Variants in MAMDC2 observed in about 807,000 individuals in gnomAD.
The protein encoded by MAMDC2 is MAM domain-containing protein 2.
MAMDC2 carries 57 observed loss-of-function variants against 89.8 expected under a neutral mutation model. The ratio of observed to expected loss-of-function variants is 0.63; its 90% CI spans 0.51 to 0.79. The LOEUF is 0.79. Ranked by LOEUF, MAMDC2 falls within the 30% of genes least tolerant of loss-of-function variation. The pLI, the probability that MAMDC2 is intolerant of heterozygous loss-of-function variation, is 0.00. For missense variants in MAMDC2, 800 were observed against 820.6 expected (o/e 0.97, Z 0.31); for synonymous variants, 313 against 293.4 (o/e 1.07, Z -0.68).
rs745884884 is a variant in MAMDC2, at chr9:70,108,445, C to G, written c.383C>G (p.Ala128Gly). Residue 128 changes from alanine to glycine, a missense_variant, in exon 3 of 14, where the codon GCC becomes GGC. Physicochemically the swap from Ala to Gly is moderately conservative, Grantham distance 60. Coordinates refer to ENST00000377182, the MANE Select transcript of MAMDC2 (RefSeq NM_153267.5). ...GAACCTTCAGACAGCTGGCTCATAG[C>G]CAGCTTGGATTTGCAAAACAGTTCC... ...AKEPSDSWLI[A>G]SLDLQNSSKK... 1 of 1,607,808 alleles carries G rather than the reference C, an allele frequency of 6.2e-7. No homozygotes were observed. The highest frequency in any genetic ancestry group is 2.2e-5 in the East Asian group (1 of 44,782).
intron 2 of MAMDC2, among the ~76,000 whole-genome samples, chr9:70,060,087 CT>C (rs1400506691): frequency 6.6e-6 from 1 of 152,210 alleles, no homozygotes; most frequent in South Asian, 2.1e-4. Flanking sequence ...CATTGGCTCT[CT>C]GATATTTTTC....
At chr9:70,125,454 G>A (rs2030488958) in intron 5 of MAMDC2, among the ~76,000 whole-genome samples, 1 of 152,188 alleles carries the variant, frequency 6.6e-6, no homozygotes, top group Non-Finnish European at 1.5e-5. Flanking sequence ...AGTCAAGGCT[G>A]TCTCCATTCT....
intron 4 of MAMDC2, among the ~76,000 whole-genome samples, chr9:70,111,552 C>T (rs931127962): frequency 2.6e-5 from 4 of 152,112 alleles, no homozygotes; most frequent in African/African-American, 9.7e-5. Context: ...CAGAATGGAG[C>T]CTGGCATATT....
In MAMDC2 at chr9:70,189,736, G is replaced by A. The variant is rs576822205; in HGVS notation, c.1651+19105G>A. 3.3e-5 allele frequency among the ~76,000 whole-genome samples: 5 copies of A among 151,538 alleles called. No homozygotes were observed. The South Asian group carries it at 1.1e-3, about 32-fold the overall frequency. On this transcript the variant is annotated intron_variant, in intron 11 of 13. Transcript: ENST00000377182. ...TATGCATATGTTGGTACACTTGATG[G>A]TGTGTCTCACAGGTCTCTGAGTCTC...
At chr9:70,166,274 TATAC>T (rs2032169614) in intron 9 of MAMDC2, among the ~76,000 whole-genome samples, 1 of 49,600 alleles carries the variant, frequency 2.0e-5, no homozygotes, top group African/African-American at 5.0e-5. Flanking sequence ...TATATATATA[TATAC>T]ACACACACAC....
intron 1 of MAMDC2, 121 bp downstream of exon 1, chr9:70,044,352 T>C: frequency 8.7e-7 from 1 of 1,149,490 alleles, no homozygotes. Context: ...CTCCTGATCC[T>C]CCGCAGCCGC....
chr9:70,169,673 G>T (rs972083258), intron 10 of MAMDC2: 3 of 152,084 alleles, frequency 2.0e-5, no homozygotes. Flanking sequence ...GAAAAATTTG[G>T]CTAAGAATCT....
At chr9:70,172,335 T>TA (rs959783923) in intron 11 of MAMDC2, among the ~76,000 whole-genome samples, 2 of 152,230 alleles carry the variant, frequency 1.3e-5, no homozygotes, top group Non-Finnish European at 2.9e-5. Context: ...CATGACTTTT[T>TA]AATCAGGGAA....
At chr9:70,127,042 C>G (rs1240426082) in intron 6 of MAMDC2, among the ~76,000 whole-genome samples, 1 of 152,266 alleles carries the variant, frequency 6.6e-6, no homozygotes, top group South Asian at 2.1e-4. Context: ...CCTCAGCCAA[C>G]TTCACAAAGG....
At chr9:70,177,499 C>T (rs1320806216) in intron 11 of MAMDC2, among the ~76,000 whole-genome samples, 3 of 152,088 alleles carry the variant, frequency 2.0e-5, no homozygotes, top group East Asian at 1.9e-4. Context: ...TGTGGGTAAC[C>T]GAAACCATGG....
At chr9:70,202,481 G>C (rs982402670) in intron 11 of MAMDC2, among the ~76,000 whole-genome samples, 1 of 151,136 alleles carries the variant, frequency 6.6e-6, no homozygotes, top group African/African-American at 2.4e-5. Context: ...CAAGTATGTG[G>C]TCAATTTTGG....
chr9:70,076,789 A>C (rs1262574238), intron 2 of MAMDC2, among the ~76,000 whole-genome samples: 2 of 152,200 alleles, frequency 1.3e-5, no homozygotes, highest in Admixed American at 1.3e-4. Context: ...GAGTGGAAAC[A>C]TGAGGGAGTT....
At chr9:70,204,545 A>C (rs2033176612) in intron 11 of MAMDC2, among the ~76,000 whole-genome samples, 1 of 149,902 alleles carries the variant, frequency 6.7e-6, no homozygotes, top group Non-Finnish European at 1.5e-5. Flanking sequence ...TGGAGCCTAC[A>C]GAGGCAGGCA....
intron 11 of MAMDC2, among the ~76,000 whole-genome samples, chr9:70,202,437 G>T (rs1284755509): frequency 6.6e-6 from 1 of 151,554 alleles, no homozygotes; most frequent in African/African-American, 2.4e-5. Context: ...TATAATGTCT[G>T]TTCTTTTACA....
At chr9:70,195,769 T>C (rs1019832532) in intron 11 of MAMDC2, among the ~76,000 whole-genome samples, 2 of 152,114 alleles carry the variant, frequency 1.3e-5, no homozygotes, top group African/African-American at 4.8e-5. Flanking sequence ...AGCACAAGCA[T>C]AGTGTTTCTG....
Position 70,209,608 on chromosome 9 carries a change from G to C in MAMDC2, c.1652-8729G>C, listed in dbSNP as rs2033307024. Among the ~76,000 whole-genome samples, 3 of 142,364 alleles carry C rather than the reference G, an allele frequency of 2.1e-5. No individual in the cohort carries two copies. The Admixed American group carries it at 2.1e-4, about 10-fold the overall frequency. The allele number at this position is 142,364 out of a possible 152,430, so 93.4% of individuals were successfully genotyped here. On this transcript the variant is annotated intron_variant, in intron 11 of 13. Coordinates refer to ENST00000377182, the MANE Select transcript of MAMDC2 (RefSeq NM_153267.5). The stretch of plus-strand genomic sequence containing the variant: ...AGCTCCTGGATTCACTGATTTTTTT[G>C]AAGGGTCTTTCGTATCTCTATCTCT...
chr9:70,107,682 A>G (rs773056260), intron 2 of MAMDC2, among the ~76,000 whole-genome samples: 4 of 152,202 alleles, frequency 2.6e-5, no homozygotes, highest in African/African-American at 4.8e-5. Context: ...AGGTAACCAA[A>G]TCAATTCAGT....
intron 2 of MAMDC2, among the ~76,000 whole-genome samples, chr9:70,073,927 C>G (rs376961319): frequency 4.6e-5 from 7 of 152,218 alleles, no homozygotes; most frequent in East Asian, 1.9e-4. Flanking sequence ...GTTCAAAGCT[C>G]TGTCCTCCAG....
chr9:70,043,886 AAGTGTGCAGTT>A lies in MAMDC2; in HGVS notation c.-311_-301del. On this transcript the variant is annotated 5_prime_UTR_variant, in exon 1 of 14. Transcript: ENST00000377182. Reference sequence around the variant, plus strand: ...CCAGCCAGTCGTGGCTGGCCTTTCAAAGTGTGCAGTTGTCTCCTCCCTGTCCAGCCCCATCG... The same window carrying A: ...CCAGCCAGTCGTGGCTGGCCTTTCAAGTCTCCTCCCTGTCCAGCCCCATCG... 2.1e-6 allele frequency: 1 copy of A among 469,218 alleles called. No homozygotes were observed. Among genetic ancestry groups the A allele is most frequent in the South Asian group, 3.1e-5 (1 of 32,596 alleles). 29.1% of individuals were successfully genotyped at this position (469,218 alleles called of 1,614,324 possible).
Sources: gnomAD v4.1 joint callset for allele counts (sites outside exome capture counted in the v4.1 genomes callset) on GRCh38, gnomAD v4.1.1 for gene constraint, MANE v1.5 for transcripts, NCBI Gene and HGNC (gene_info 2026-07-23, HGNC 2026-07-21) for gene names.